WAC: variants seen among roughly 807,000 people sequenced by gnomAD.
WAC encodes the protein WW domain-containing adapter protein with coiled-coil.
Under a neutral mutation model 79.6 loss-of-function variants are expected in WAC, and 11 were observed. That is an observed-to-expected ratio of 0.14 (90% CI 0.09 to 0.23). The LOEUF is 0.23. Among genes scored for constraint, WAC ranks in the 10% least tolerant of loss-of-function variants. The probability of loss-of-function intolerance (pLI) is 1.00; values close to 1 mark genes in which losing one functional copy is unlikely to be tolerated. For synonymous variants in WAC, 304 were observed against 276.9 expected, an observed-to-expected ratio of 1.10 and a Z score of -0.97; for missense variants, 728 against 773.5, an observed-to-expected ratio of 0.94 and a Z score of 0.70.
chr10:28,536,963 T>C (rs759764211), intron 3 of WAC, among the ~76,000 whole-genome samples: 6 of 152,288 alleles, frequency 3.9e-5, no homozygotes, highest in Non-Finnish European at 8.8e-5. Context: ...TTGGCTTACT[T>C]TAAAAAAAAT....
intron 3 of WAC, among the ~76,000 whole-genome samples, chr10:28,541,413 G>GT (rs1435952488): frequency 7.9e-5 from 4 of 50,756 alleles, no homozygotes; most frequent in Non-Finnish European, 8.4e-5. Flanking sequence ...GTGTGTGTGT[G>GT]TGTTTTGTTT....
chr10:28,560,949 C>G (rs954988541), intron 3 of WAC, among the ~76,000 whole-genome samples: 3 of 151,978 alleles, frequency 2.0e-5, no homozygotes, highest in African/African-American at 7.3e-5. Flanking sequence ...CAAATGAGAC[C>G]GAGAAGGAGT....
chr10:28,547,174 A>G (rs1837394311), intron 3 of WAC, among the ~76,000 whole-genome samples: 1 of 152,184 alleles, frequency 6.6e-6, no homozygotes, highest in Admixed American at 6.5e-5. Context: ...TTTATAGCAT[A>G]GTTCATTTCA....
At chr10:28,540,332 A>G (rs1836940521) in intron 3 of WAC, among the ~76,000 whole-genome samples, 1 of 152,210 alleles carries the variant, frequency 6.6e-6, no homozygotes, top group South Asian at 2.1e-4. Context: ...CAGAGATTAA[A>G]CACTTGGGTA....
At position 28,533,548 on chromosome 10, in the gene WAC, C is replaced by A. The variant is rs771869396; in HGVS notation, c.-32C>A. The A allele has an allele frequency of 1.1e-5, 16 of 1,403,630 alleles. No individual in the cohort carries two copies. Among genetic ancestry groups the A allele is most frequent in the Non-Finnish European group, 1.5e-5 (16 of 1,059,438 alleles). 86.9% of individuals were successfully genotyped at this position (1,403,630 alleles called of 1,614,324 possible). On this transcript the variant is annotated 5_prime_UTR_variant, in exon 1 of 14. Transcript: ENST00000354911. ...CCGCCTTTCGCGGCCGCTCTCCCCC[C>A]TCCCCGACACACACTCACAGGCCGG... is the stretch of plus-strand genomic sequence containing the variant.
intron 3 of WAC, among the ~76,000 whole-genome samples, chr10:28,565,024 A>T (rs1838523336): frequency 6.6e-6 from 1 of 152,234 alleles, no homozygotes; most frequent in South Asian, 2.1e-4. Flanking sequence ...AGTAACTACT[A>T]ATCTGTTCTC....
At chr10:28,566,442 T>G (rs1838619798) in intron 3 of WAC, among the ~76,000 whole-genome samples, 1 of 152,196 alleles carries the variant, frequency 6.6e-6, no homozygotes. Context: ...GCTATTGATC[T>G]CAGACAGTAA....
rs71281550 is a variant in WAC at position 28,563,744 on chromosome 10, C to CTTTTTTTTTTTTTTTTTTTTTT, written c.275-19647_275-19626dup. 8.7e-4 allele frequency among the ~76,000 whole-genome samples: 59 copies of CTTTTTTTTTTTTTTTTTTTTTT among 67,892 alleles called. 6 individuals are homozygous for CTTTTTTTTTTTTTTTTTTTTTT. Among genetic ancestry groups the CTTTTTTTTTTTTTTTTTTTTTT allele is most frequent in the Non-Finnish European group, 1.2e-3 (46 of 38,898 alleles). 44.5% of individuals were successfully genotyped at this position (67,892 alleles called of 152,430 possible). ...ACAAGTGCATGCTGCCTACACCCAG[C>CTTTTTTTTTTTTTTTTTTTTTT]TTTTTTTTTTTTTTTTTTTTTTTTT... On this transcript the variant is annotated intron_variant, in intron 3 of 13. Transcript: ENST00000354911.
At chr10:28,609,846 A>G (rs1429699422) in intron 8 of WAC, among the ~76,000 whole-genome samples, 1 of 152,220 alleles carries the variant, frequency 6.6e-6, no homozygotes, top group Non-Finnish European at 1.5e-5. Context: ...CCTGTCTCCA[A>G]AATAAATAGT....
chr10:28,572,827 A>C (rs1481527572), intron 3 of WAC, among the ~76,000 whole-genome samples: 2 of 152,100 alleles, frequency 1.3e-5, no homozygotes, highest in Non-Finnish European at 2.9e-5. Context: ...CAACAACAAA[A>C]ACCTTACTCT....
intron 7 of WAC, among the ~76,000 whole-genome samples, chr10:28,596,500 G>A (rs548555520): frequency 1.3e-5 from 2 of 152,278 alleles, no homozygotes; most frequent in Admixed American, 1.3e-4. Context: ...CATAAGATAA[G>A]GCGTGTTAAT....
At chr10:28,560,310 G>C (rs978099608) in intron 3 of WAC, among the ~76,000 whole-genome samples, 1 of 152,146 alleles carries the variant, frequency 6.6e-6, no homozygotes, top group Non-Finnish European at 1.5e-5. Flanking sequence ...CTAGCGAGCC[G>C]TCCTGATGCC....
chr10:28,582,196 C>T (rs1281366902), intron 3 of WAC, among the ~76,000 whole-genome samples: 1 of 152,172 alleles, frequency 6.6e-6, no homozygotes, highest in Non-Finnish European at 1.5e-5. Context: ...ACTCTTACTT[C>T]GTCCATGAAC....
chr10:28,576,899 T>C (rs1467291460), intron 3 of WAC, among the ~76,000 whole-genome samples: 2 of 152,214 alleles, frequency 1.3e-5, no homozygotes, highest in Admixed American at 6.5e-5. Context: ...AATATAAAAA[T>C]ATTAATGTGA....
chr10:28,591,113 T>TC (rs1840061947), intron 6 of WAC: 1 of 322,720 alleles, frequency 3.1e-6, no homozygotes, highest in Non-Finnish European at 5.8e-6. Flanking sequence ...TTTCCCCTGA[T>TC]CCCCCCAGAC....
intron 3 of WAC, among the ~76,000 whole-genome samples, chr10:28,544,800 A>T (rs1169595340): frequency 6.6e-6 from 1 of 152,142 alleles, no homozygotes; most frequent in East Asian, 1.9e-4. Flanking sequence ...GCGGTGGCTC[A>T]CGCCTGTAAT....
intron 3 of WAC, among the ~76,000 whole-genome samples, chr10:28,558,371 C>A (rs34753167): frequency 0.24 from 36,015 of 151,932 alleles, 4,868 homozygotes; most frequent in Non-Finnish European, 0.28. Flanking sequence ...GCAGAAGCAG[C>A]GCAAAGAAAT....
chr10:28,550,179 A>T (rs546820920), intron 3 of WAC, among the ~76,000 whole-genome samples: 1 of 151,234 alleles, frequency 6.6e-6, no homozygotes, highest in Non-Finnish European at 1.5e-5. Context: ...AAAAAAAAAA[A>T]AGTTTGTTTT....
At chr10:28,617,160 T>A (rs962147432) in intron 12 of WAC, among the ~76,000 whole-genome samples, 8 of 152,232 alleles carry the variant, frequency 5.3e-5, no homozygotes, top group Non-Finnish European at 1.0e-4. Flanking sequence ...GGAAACATTT[T>A]TGCTTTGGGA....
Sources: allele counts gnomAD v4.1 joint callset (sites outside exome capture counted in the v4.1 genomes callset), GRCh38; gene constraint gnomAD v4.1.1; transcripts MANE v1.5; gene names NCBI Gene and HGNC (gene_info 2026-07-23, HGNC 2026-07-21).